Variants in KNTC1 observed in about 807,000 individuals in gnomAD.
KNTC1 encodes kinetochore-associated protein 1.
KNTC1 carries 253 observed loss-of-function variants against 314.4 expected under a neutral mutation model. That is an observed-to-expected ratio of 0.80 (90% CI 0.73 to 0.89). KNTC1 has a LOEUF of 0.89. KNTC1 is among the 40% of genes least tolerant of loss of function. The probability of loss-of-function intolerance (pLI) is 0.00; values close to 1 mark genes in which losing one functional copy is unlikely to be tolerated. For missense variants in KNTC1, 2,475 were observed against 2,572.9 expected (o/e 0.96, Z 0.82); for synonymous variants, 901 against 901.4 (o/e 1.00, Z 0.01).
chr12:122,597,134 T>C (rs1704300253), intron 43 of KNTC1: 1 of 152,484 alleles, frequency 6.6e-6, no homozygotes, highest in African/African-American at 2.4e-5. Flanking sequence ...TAGGTGAAAT[T>C]TGTAAATGTT....
chr12:122,600,449 C>A (rs1002606671), intron 44 of KNTC1, among the ~76,000 whole-genome samples: 1 of 152,096 alleles, frequency 6.6e-6, no homozygotes, highest in Non-Finnish European at 1.5e-5. Flanking sequence ...ACAATTAATT[C>A]TTGCACTATA....
At chr12:122,614,526 C>A (rs1873553113) in intron 55 of KNTC1, among the ~76,000 whole-genome samples, 1 of 152,078 alleles carries the variant, frequency 6.6e-6, no homozygotes, top group African/African-American at 2.4e-5. Context: ...GAAAAATAAT[C>A]TTTTTTGTCA....
At chr12:122,606,222 CTTTTTTTTTTTT>C (rs34344479) in intron 51 of KNTC1, among the ~76,000 whole-genome samples, 41 of 109,772 alleles carry the variant, frequency 3.7e-4, no homozygotes, top group Non-Finnish European at 7.1e-4. Context: ...AGATTGTTTA[CTTTTTTTTTTTT>C]TTTTTTTTTT....
chr12:122,581,457 C>G (rs1232986325), intron 33 of KNTC1, among the ~76,000 whole-genome samples: 1 of 151,530 alleles, frequency 6.6e-6, no homozygotes, highest in Non-Finnish European at 1.5e-5. Context: ...CCTCGGCCTC[C>G]CAAAGTGCTG....
At position 122,604,636 on chromosome 12, in the gene KNTC1, A is replaced by T; in HGVS notation, c.5174A>T (p.Gln1725Leu). Residue 1725 changes from glutamine to leucine, a missense_variant and splice_region_variant, in exon 49 of 64, where the codon CAG becomes CTG. By Grantham distance (113) the Gln-to-Leu change is moderately radical (BLOSUM62 -2). Transcript: ENST00000333479. ...AGATGGCTACAGAATATCCCATCGC[A>T]GGTGTGTCTGAACTATCAGATTGGC... ...AERWLQNIPS[Q>L]DEKREKAEAL... 1 of 1,588,850 alleles carries T rather than the reference A, an allele frequency of 6.3e-7. No individual in the cohort carries two copies. The highest frequency in any genetic ancestry group is 8.6e-7 in the Non-Finnish European group (1 of 1,157,688).
At chr12:122,569,563 T>C (rs968233590) in intron 21 of KNTC1, 118 bp from the exon 22 acceptor site, 12 of 805,678 alleles carry the variant, frequency 1.5e-5, no homozygotes, top group Non-Finnish European at 2.2e-5. Flanking sequence ...CCTTTAGCAC[T>C]CATTATTAAA....
chr12:122,583,358 CTT>C (rs762316476), intron 34 of KNTC1, among the ~76,000 whole-genome samples: 3 of 152,180 alleles, frequency 2.0e-5, no homozygotes, highest in South Asian at 2.1e-4. Flanking sequence ...CAGTGACACT[CTT>C]TTTTCACAGA....
intron 2 of KNTC1, among the ~76,000 whole-genome samples, chr12:122,533,616 G>C (rs559028234): frequency 6.6e-6 from 1 of 152,196 alleles, no homozygotes; most frequent in South Asian, 2.1e-4. Flanking sequence ...AAGATCCCTT[G>C]AGCCCAGGTG....
At position 122,619,564 on chromosome 12, in the gene KNTC1, C is replaced by G. The variant is rs1254117787; in HGVS notation, c.6150-915C>G. 1.3e-5 allele frequency among the ~76,000 whole-genome samples: 2 copies of G among 152,104 alleles called. 1 individual carries two copies. The highest frequency in any genetic ancestry group is 4.1e-4 in the South Asian group (2 of 4,832). ...AGTAGCTGGGACTACAGGCGCCCAC[C>G]ACCATGCCCGGCTAATTGTTTGTAT... is the stretch of plus-strand genomic sequence containing the variant. On this transcript the variant is annotated intron_variant, in intron 59 of 63. Coordinates refer to ENST00000333479, the MANE Select transcript of KNTC1 (RefSeq NM_014708.6).
At chr12:122,555,055 A>G (rs763847165) in intron 16 of KNTC1, among the ~76,000 whole-genome samples, 2 of 152,132 alleles carry the variant, frequency 1.3e-5, no homozygotes, top group East Asian at 3.9e-4. Context: ...TAAACAGACA[A>G]ACAAAATCGA....
chr12:122,532,885 T>C (rs947787273), intron 2 of KNTC1, among the ~76,000 whole-genome samples: 1 of 152,062 alleles, frequency 6.6e-6, no homozygotes, highest in Non-Finnish European at 1.5e-5. Flanking sequence ...GAGAGCTCAT[T>C]GTCGGTTGGG....
intron 59 of KNTC1, among the ~76,000 whole-genome samples, chr12:122,619,367 C>T (rs1223938213): frequency 1.3e-5 from 2 of 150,784 alleles, no homozygotes; most frequent in Non-Finnish European, 3.0e-5. Context: ...AGACAGCCTC[C>T]CAAATTGCTG....
intron 2 of KNTC1, among the ~76,000 whole-genome samples, chr12:122,531,772 C>T (rs1171181024): frequency 4.0e-5 from 6 of 151,556 alleles, no homozygotes; most frequent in Non-Finnish European, 8.8e-5. Context: ...CTTGCTCTGT[C>T]GCCCAGGCTG....
rs199590387 is a variant in KNTC1, at chr12:122,579,930, C to T, written c.2867C>T (p.Ala956Val). 1.2e-5 allele frequency: 19 copies of T among 1,610,422 alleles called. No individual in the cohort carries two copies. In the East Asian group the frequency reaches 2.0e-4, roughly 17 times the overall value. Residue 956 changes from alanine to valine, a missense_variant, in exon 32 of 64, where the codon GCG becomes GTG. Ala to Val is a moderately conservative substitution (Grantham distance 64). Coordinates refer to ENST00000333479, the MANE Select transcript of KNTC1 (RefSeq NM_014708.6). ...GGCAAGGCCTGGAGAATGTCTGTAGCGAAGACATCCGTGGACATTCTTAAG... is the reference window on the plus strand; with the variant it reads ...GGCAAGGCCTGGAGAATGTCTGTAGTGAAGACATCCGTGGACATTCTTAAG... ...KEGKAWRMSVAKTSVDILKIL... is the reference protein window; with the variant it reads ...KEGKAWRMSVVKTSVDILKIL...
At chr12:122,540,800 T>C (rs916925808) in intron 5 of KNTC1, among the ~76,000 whole-genome samples, 5 of 152,192 alleles carry the variant, frequency 3.3e-5, no homozygotes, top group African/African-American at 4.8e-5. Context: ...AAGTTAACAA[T>C]GTTTTTGCAA....
chr12:122,549,078 G>A (rs1171615667), intron 12 of KNTC1, among the ~76,000 whole-genome samples: 2 of 152,140 alleles, frequency 1.3e-5, no homozygotes, highest in East Asian at 3.8e-4. Context: ...TTTAGAGACA[G>A]TCTCACTCTT....
intron 43 of KNTC1, chr12:122,597,505 C>T: frequency 4.3e-6 from 2 of 463,990 alleles, no homozygotes; most frequent in Non-Finnish European, 7.9e-6. Context: ...CCTTGGCCTC[C>T]CAAAGTGCTG....
Position 122,573,175 on chromosome 12 carries a change from GAT to G in KNTC1, c.2175_2176del (p.Asp725GlufsTer24). On this transcript the variant is annotated frameshift_variant, in exon 26 of 64. Transcript: ENST00000333479. LOFTEE classifies it high-confidence loss of function. The stretch of plus-strand genomic sequence containing the variant: ...AACCACCATAGTGTTCCGAATGTTT[GAT>G]AAAGTGCTGGCCCCAGAGCTTATTC... ...NTTTIVFRMF[D>X]KVLAPELIPS... The G allele has an allele frequency of 6.2e-7, 1 of 1,613,900 alleles. No individual in the cohort carries two copies. The highest frequency in any genetic ancestry group is 8.5e-7 in the Non-Finnish European group (1 of 1,179,856).
rs762152970 is a variant in KNTC1 at position 122,603,044 on chromosome 12, G to A, written c.4902G>A (p.Leu1634=). The A allele has an allele frequency of 3.7e-5, 59 of 1,613,384 alleles. No individual in the cohort carries two copies. In the South Asian group the frequency reaches 4.4e-4, roughly 12 times the overall value. ...SKLMKFSLDT[L]YVSTAKHVFE... Reference sequence around the variant, plus strand: ...CTTTGAAGTTCTCTCTGGACACTCTGTACGTGTCTACAGCAAAACACGTTT... The same window carrying A: ...CTTTGAAGTTCTCTCTGGACACTCTATACGTGTCTACAGCAAAACACGTTT... Residue 1634 remains leucine, a synonymous_variant, in exon 48 of 64, where the codon CTG becomes CTA. Transcript: ENST00000333479.
Sources: allele counts gnomAD v4.1 joint callset (sites outside exome capture counted in the v4.1 genomes callset), GRCh38; gene constraint gnomAD v4.1.1; transcripts MANE v1.5; gene names NCBI Gene and HGNC (gene_info 2026-07-23, HGNC 2026-07-21).